BLTP3A: variants seen among roughly 807,000 people sequenced by gnomAD.
BLTP3A encodes ICBP90 binding protein 1.
the BLTP3A span, chr6:34,864,188 C>T: frequency 6.2e-7 from 1 of 1,613,466 alleles, no homozygotes; most frequent in Non-Finnish European, 8.5e-7. Flanking sequence ...TTGTGATGCT[C>T]TTGGAGTCTG....
the BLTP3A span, chr6:34,834,294 A>G: frequency 6.2e-7 from 1 of 1,614,172 alleles, no homozygotes; most frequent in Non-Finnish European, 8.5e-7. Flanking sequence ...ATTCACTCCA[A>G]GGCCTTCCAC....
chr6:34,831,494 T>C, the BLTP3A span, among the ~76,000 whole-genome samples: 1 of 152,222 alleles, frequency 6.6e-6, no homozygotes, highest in African/African-American at 2.4e-5. Context: ...GTATATCTTT[T>C]TTTTCCACTT....
At chr6:34,821,806 C>T in the BLTP3A span, 3 of 1,614,112 alleles carry the variant, frequency 1.9e-6, no homozygotes, top group South Asian at 3.3e-5. Context: ...GCAACAGGGC[C>T]TCCATCCGGG....
chr6:34,814,241 CT>C, the BLTP3A span, among the ~76,000 whole-genome samples: 6 of 152,140 alleles, frequency 3.9e-5, no homozygotes, highest in Non-Finnish European at 2.9e-5. Flanking sequence ...TCTCAAACTC[CT>C]AGGCTCAAAC....
At chr6:34,855,675 G>A in the BLTP3A span, 14 of 1,613,832 alleles carry the variant, frequency 8.7e-6, no homozygotes, top group East Asian at 2.2e-5. Context: ...GCAAGATGGC[G>A]TTTGACTATT....
chr6:34,813,715 T>C, the BLTP3A span, among the ~76,000 whole-genome samples: 1 of 152,220 alleles, frequency 6.6e-6, no homozygotes, highest in Non-Finnish European at 1.5e-5. Context: ...AAGAGAAGTA[T>C]ACAACATAAT....
At chr6:34,856,155 A>G in the BLTP3A span, 5 of 1,488,930 alleles carry the variant, frequency 3.4e-6, no homozygotes, top group African/African-American at 1.4e-5. Flanking sequence ...CAGATTCTGA[A>G]CTATGACTAT....
the BLTP3A span, chr6:34,871,658 G>C: frequency 1.2e-6 from 2 of 1,614,078 alleles, no homozygotes; most frequent in Non-Finnish European, 1.7e-6. Flanking sequence ...ATGTTGTGCT[G>C]AAGAGGAGTG....
chr6:34,828,152 A>G, the BLTP3A span, among the ~76,000 whole-genome samples: 1 of 152,002 alleles, frequency 6.6e-6, no homozygotes, highest in Admixed American at 6.6e-5. Context: ...TTTCATTTAA[A>G]AATATATCCT....
the BLTP3A span, among the ~76,000 whole-genome samples, chr6:34,852,652 A>G: frequency 7.9e-5 from 12 of 151,038 alleles, no homozygotes; most frequent in Non-Finnish European, 1.5e-4. Flanking sequence ...GGGTGATGCA[A>G]GCATTCCTTT....
the BLTP3A span, chr6:34,859,310 C>T: frequency 1.2e-6 from 2 of 1,613,728 alleles, no homozygotes; most frequent in East Asian, 2.2e-5. Context: ...AGAACCCAAG[C>T]CTCCAGCTCA....
chr6:34,826,289 T>C, the BLTP3A span, among the ~76,000 whole-genome samples: 3 of 152,008 alleles, frequency 2.0e-5, no homozygotes, highest in Non-Finnish European at 4.4e-5. Flanking sequence ...CCCAAAGTGC[T>C]GGGATTACAG....
At chr6:34,857,599 T>C in the BLTP3A span, 4 of 1,458,078 alleles carry the variant, frequency 2.7e-6, no homozygotes, top group Non-Finnish European at 3.7e-6. Flanking sequence ...AGCACACTTT[T>C]GTTAAACACT....
the BLTP3A span, among the ~76,000 whole-genome samples, chr6:34,796,100 A>G: frequency 6.6e-6 from 1 of 152,216 alleles, no homozygotes; most frequent in Non-Finnish European, 1.5e-5. Context: ...ACGGGAAGGC[A>G]TATCAAGTTA....
the BLTP3A span, among the ~76,000 whole-genome samples, chr6:34,818,224 A>G: frequency 2.6e-5 from 4 of 152,172 alleles, no homozygotes. Context: ...ATGCCAGCAC[A>G]TTGGTAGGCC....
chr6:34,853,983 G>T, the BLTP3A span, among the ~76,000 whole-genome samples: 1 of 152,304 alleles, frequency 6.6e-6, no homozygotes, highest in Admixed American at 6.5e-5. Context: ...CTGCACTTTG[G>T]GGGGCCGAGG....
At chr6:34,828,324 G>A in the BLTP3A span, among the ~76,000 whole-genome samples, 2 of 151,646 alleles carry the variant, frequency 1.3e-5, no homozygotes, top group South Asian at 2.1e-4. Flanking sequence ...GGTGGCACGC[G>A]CCTGTAATCC....
chr6:34,846,948 G>A, the BLTP3A span, among the ~76,000 whole-genome samples: 5 of 152,146 alleles, frequency 3.3e-5, no homozygotes, highest in Non-Finnish European at 1.5e-5. Context: ...CTTCCATACA[G>A]TTTTTTGAAG....
At chr6:34,805,964 TTC>T in the BLTP3A span, among the ~76,000 whole-genome samples, 15 of 152,252 alleles carry the variant, frequency 9.9e-5, no homozygotes, top group Middle Eastern at 3.4e-3. Context: ...GCACACCTAA[TTC>T]TCTCTAATGG....
Sources: gnomAD v4.1 joint callset for allele counts (sites outside exome capture counted in the v4.1 genomes callset) on GRCh38, gnomAD v4.1.1 for gene constraint, MANE v1.5 for transcripts, NCBI Gene and HGNC (gene_info 2026-07-23, HGNC 2026-07-21) for gene names.